KCNK2: variants seen among roughly 807,000 people sequenced by gnomAD.
KCNK2 encodes the protein potassium channel subfamily K member 2.
Under a neutral mutation model 40.5 loss-of-function variants are expected in KCNK2, and 21 were observed. The observed-to-expected ratio is 0.52, with a 90% CI of 0.37 to 0.75. The LOEUF (loss-of-function observed/expected upper bound fraction) is 0.75, where lower values mean the gene tolerates loss of function less well. Among genes scored for constraint, KCNK2 ranks in the 30% least tolerant of loss-of-function variants. The probability of loss-of-function intolerance (pLI) is 0.00; values close to 1 mark genes in which losing one functional copy is unlikely to be tolerated. For synonymous variants in KCNK2, 191 were observed against 202.2 expected (o/e 0.94, Z 0.47); for missense variants, 399 against 531.6 (o/e 0.75, Z 2.45).
chr1:215,101,666 C>T (rs1327610225), intron 2 of KCNK2, among the ~76,000 whole-genome samples: 6 of 151,942 alleles, frequency 3.9e-5, no homozygotes, highest in Non-Finnish European at 8.8e-5. Context: ...CAAATACAGT[C>T]TCATGCCGCA....
chr1:215,037,002 C>CTTTTTTTTTTTTTT (rs3033912), intron 1 of KCNK2, among the ~76,000 whole-genome samples: 10 of 125,848 alleles, frequency 7.9e-5, no homozygotes, highest in African/African-American at 9.0e-5. Flanking sequence ...CCTTTTATTC[C>CTTTTTTTTTTTTTT]TTTTTTTTTT....
chr1:215,084,769 T>C (rs1394141144), intron 1 of KCNK2, among the ~76,000 whole-genome samples: 3 of 152,200 alleles, frequency 2.0e-5, no homozygotes, highest in Non-Finnish European at 2.9e-5. Context: ...CCTTAGGAAA[T>C]TGCTGTAATA....
intron 2 of KCNK2, among the ~76,000 whole-genome samples, chr1:215,118,703 G>A (rs926829144): frequency 3.3e-5 from 5 of 151,914 alleles, no homozygotes; most frequent in African/African-American, 1.2e-4. Context: ...TGGAAATTAT[G>A]TCGTTTTTAA....
intron 1 of KCNK2, among the ~76,000 whole-genome samples, chr1:215,042,467 A>AC (rs1292004654): frequency 6.6e-6 from 1 of 152,204 alleles, no homozygotes; most frequent in African/African-American, 2.4e-5. Context: ...CTGCCTGATG[A>AC]TTTGTGGAAA....
At chr1:215,218,970 TTAA>T (rs1354432918) in intron 6 of KCNK2, among the ~76,000 whole-genome samples, 1 of 152,214 alleles carries the variant, frequency 6.6e-6, no homozygotes, top group Non-Finnish European at 1.5e-5. Flanking sequence ...TCACTAAACA[TTAA>T]TAATAGGAGA....
chr1:215,079,719 C>T (rs1659081884), upstream of KCNK2, among the ~76,000 whole-genome samples: 1 of 152,128 alleles, frequency 6.6e-6, no homozygotes, highest in Admixed American at 6.5e-5. Context: ...TGGGATAAAC[C>T]ATCCTATTTC....
In KCNK2 at chr1:215,087,284, T is replaced by C. The variant is rs556519921; in HGVS notation, c.357+606T>C. On this transcript the variant is annotated intron_variant, in intron 2 of 6. Transcript: ENST00000444842. The stretch of plus-strand genomic sequence containing the variant: ...TTTTAAAGTATCTGCAGATAAGTGA[T>C]TAATTATTGCTTCTCTAACCCCCAG... Among the ~76,000 whole-genome samples, 10 of 152,342 alleles carry C rather than the reference T, an allele frequency of 6.6e-5. No individual in the cohort carries two copies. The South Asian group carries it at 1.9e-3, about 28-fold the overall frequency.
At chr1:215,125,911 C>T (rs1042462890) in intron 3 of KCNK2, among the ~76,000 whole-genome samples, 1 of 151,236 alleles carries the variant, frequency 6.6e-6, no homozygotes, top group African/African-American at 2.4e-5. Context: ...AGGAAATGGG[C>T]TCATCATAGT....
chr1:215,053,608 A>G (rs992708941), intron 1 of KCNK2, among the ~76,000 whole-genome samples: 6 of 152,220 alleles, frequency 3.9e-5, no homozygotes, highest in Non-Finnish European at 8.8e-5. Context: ...CAACCAGGAA[A>G]TTCTAGCAAA....
intron 5 of KCNK2, among the ~76,000 whole-genome samples, chr1:215,188,150 G>T (rs905148596): frequency 6.6e-6 from 1 of 152,136 alleles, no homozygotes; most frequent in Non-Finnish European, 1.5e-5. Context: ...GTGAAATTGA[G>T]TATATTTGGT....
intron 6 of KCNK2, among the ~76,000 whole-genome samples, chr1:215,205,424 G>A (rs1180393747): frequency 6.6e-6 from 1 of 152,126 alleles, no homozygotes; most frequent in African/African-American, 2.4e-5. Context: ...ATTTAGTAGA[G>A]ACGGGGTTTC....
At chr1:215,088,523 A>G (rs1659554244) in intron 2 of KCNK2, among the ~76,000 whole-genome samples, 1 of 151,410 alleles carries the variant, frequency 6.6e-6, no homozygotes, top group South Asian at 2.1e-4. Context: ...CCTCTGATTC[A>G]TGTAGTTGCA....
At chr1:215,189,750 C>T (rs1664590324) in intron 5 of KCNK2, among the ~76,000 whole-genome samples, 1 of 152,078 alleles carries the variant, frequency 6.6e-6, no homozygotes, top group Non-Finnish European at 1.5e-5. Context: ...AAGGGGTTCT[C>T]AGTCCTTGAA....
At chr1:215,058,372 A>ATTTGGATAT (rs1658241796) in intron 1 of KCNK2, among the ~76,000 whole-genome samples, 2 of 152,238 alleles carry the variant, frequency 1.3e-5, no homozygotes, top group South Asian at 2.1e-4. Context: ...TTAGTTATGC[A>ATTTGGATAT]GATTGGAGTT....
chr1:215,010,973 A>G (rs1656363123), intron 1 of KCNK2, among the ~76,000 whole-genome samples: 2 of 142,468 alleles, frequency 1.4e-5, no homozygotes, highest in African/African-American at 5.3e-5. Context: ...CATAATATAA[A>G]TAGAATAATA....
At chr1:215,143,686 T>C (rs1451355535) in intron 3 of KCNK2, among the ~76,000 whole-genome samples, 3 of 152,150 alleles carry the variant, frequency 2.0e-5, no homozygotes, top group South Asian at 2.1e-4. Context: ...TTGGCACTTA[T>C]AACCTCTTAA....
intron 5 of KCNK2, among the ~76,000 whole-genome samples, chr1:215,179,801 A>G (rs916380851): frequency 8.5e-5 from 13 of 152,164 alleles, no homozygotes; most frequent in Non-Finnish European, 1.8e-4. Context: ...ATCTTCAGAT[A>G]TGTTCCATGT....
At chr1:215,093,150 G>A (rs1198186700) in intron 2 of KCNK2, among the ~76,000 whole-genome samples, 1 of 151,782 alleles carries the variant, frequency 6.6e-6, no homozygotes, top group Non-Finnish European at 1.5e-5. Flanking sequence ...AATGAACAGA[G>A]ATTCTAATGT....
At chr1:215,212,890 T>G (rs1241315992) in intron 6 of KCNK2, among the ~76,000 whole-genome samples, 1 of 152,218 alleles carries the variant, frequency 6.6e-6, no homozygotes, top group Non-Finnish European at 1.5e-5. Flanking sequence ...CTCTCTCCCT[T>G]TGACAGTGTT....
Sources: gnomAD v4.1 joint callset for allele counts (sites outside exome capture counted in the v4.1 genomes callset) on GRCh38, gnomAD v4.1.1 for gene constraint, MANE v1.5 for transcripts, NCBI Gene and HGNC (gene_info 2026-07-23, HGNC 2026-07-21) for gene names.